The following VAV3 variants were observed in gnomAD, a reference collection of about 807,000 sequenced individuals.
The protein encoded by VAV3 is guanine nucleotide exchange factor VAV3.
A neutral mutation model predicts 131.2 loss-of-function variants in VAV3; 94 were observed. The observed-to-expected ratio is 0.72, with a 90% CI of 0.61 to 0.85. VAV3 has a LOEUF of 0.85. Ranked by LOEUF, VAV3 falls within the 40% of genes least tolerant of loss-of-function variation. The pLI, the probability that VAV3 is intolerant of heterozygous loss-of-function variation, is 0.00. For synonymous variants in VAV3, 349 were observed against 342.0 expected, an observed-to-expected ratio of 1.02 and a Z score of -0.22; for missense variants, 939 against 1,002.7, an observed-to-expected ratio of 0.94 and a Z score of 0.86.
chr1:107,665,460 C>T (rs1176172745), intron 19 of VAV3, among the ~76,000 whole-genome samples: 2 of 152,166 alleles, frequency 1.3e-5, no homozygotes, highest in East Asian at 1.9e-4. Flanking sequence ...ATCCACCCTC[C>T]TTGGTACAGC....
chr1:107,804,280 G>A (rs532657248), intron 2 of VAV3, among the ~76,000 whole-genome samples: 11 of 152,160 alleles, frequency 7.2e-5, no homozygotes, highest in Middle Eastern at 6.8e-3. Context: ...GTGTCATTTT[G>A]TTGCTTGTTT....
Position 107,775,907 on chromosome 1 carries a change from G to A in VAV3, c.446+1324C>T, listed in dbSNP as rs1665329232. 2.6e-5 allele frequency among the ~76,000 whole-genome samples: 4 copies of A among 152,178 alleles called. No homozygotes were observed. The South Asian group carries it at 8.3e-4, about 32-fold the overall frequency. ...TCTACTCTTCTACTAAAAGCTCTGAGAGGGATCTGGAAGTTGGGGCTGTGA... is the reference window on the plus strand; with the variant it reads ...TCTACTCTTCTACTAAAAGCTCTGAAAGGGATCTGGAAGTTGGGGCTGTGA... On this transcript the variant is annotated intron_variant, in intron 4 of 26. Transcript: ENST00000370056.
intron 21 of VAV3, among the ~76,000 whole-genome samples, chr1:107,616,321 G>C (rs1001299700): frequency 6.6e-6 from 1 of 151,622 alleles, no homozygotes; most frequent in Admixed American, 6.6e-5. Context: ...ATTATCATGA[G>C]TGAACTAACA....
At chr1:107,825,400 T>C (rs1374118674) in intron 2 of VAV3, among the ~76,000 whole-genome samples, 1 of 151,852 alleles carries the variant, frequency 6.6e-6, no homozygotes, top group Admixed American at 6.6e-5. Flanking sequence ...AATGAGAATC[T>C]ATATGATTAC....
intron 2 of VAV3, among the ~76,000 whole-genome samples, chr1:107,833,477 G>C (rs1478293089): frequency 6.6e-6 from 1 of 152,140 alleles, no homozygotes; most frequent in Non-Finnish European, 1.5e-5. Flanking sequence ...CCTTTTTAAA[G>C]AAAATATTAT....
chr1:107,652,158 G>A (rs764253447), intron 19 of VAV3, among the ~76,000 whole-genome samples: 10 of 152,118 alleles, frequency 6.6e-5, no homozygotes, highest in South Asian at 2.1e-4. Flanking sequence ...AAAACAGATT[G>A]CAGTAAAGAA....
intron 2 of VAV3, among the ~76,000 whole-genome samples, chr1:107,856,900 G>A (rs1261004429): frequency 6.6e-6 from 1 of 152,108 alleles, no homozygotes; most frequent in Admixed American, 6.5e-5. Flanking sequence ...AGCTGGGTGT[G>A]GTGTTGTGTG....
intron 2 of VAV3, among the ~76,000 whole-genome samples, chr1:107,820,551 C>A (rs888447512): frequency 1.1e-4 from 17 of 151,834 alleles, no homozygotes; most frequent in Non-Finnish European, 2.1e-4. Flanking sequence ...TATTTGATAA[C>A]ACAACAGAGT....
At chr1:107,841,293 G>C (rs1557876514) in intron 2 of VAV3, among the ~76,000 whole-genome samples, 1 of 152,008 alleles carries the variant, frequency 6.6e-6, no homozygotes, top group South Asian at 2.1e-4. Context: ...GGGGAAAGGG[G>C]GGGGTAGAAA....
chr1:107,622,767 G>T (rs1269586501), intron 20 of VAV3, among the ~76,000 whole-genome samples: 1 of 152,192 alleles, frequency 6.6e-6, no homozygotes, highest in Non-Finnish European at 1.5e-5. Flanking sequence ...ACCCTGCCCA[G>T]TCACTTCCCG....
chr1:107,888,027 G>A (rs1032338104), intron 1 of VAV3, among the ~76,000 whole-genome samples: 2 of 151,458 alleles, frequency 1.3e-5, no homozygotes, highest in Non-Finnish European at 2.9e-5. Context: ...ATTTTGTAAA[G>A]TATCTTTAAG....
chr1:107,870,183 CT>C (rs1362478693), intron 2 of VAV3, among the ~76,000 whole-genome samples: 1 of 152,084 alleles, frequency 6.6e-6, no homozygotes, highest in Admixed American at 6.6e-5. Context: ...AATGGTAGTT[CT>C]ACATTTAGTT....
chr1:107,705,468 T>C (rs967297372), intron 15 of VAV3, among the ~76,000 whole-genome samples: 4 of 151,882 alleles, frequency 2.6e-5, no homozygotes, highest in Non-Finnish European at 5.9e-5. Flanking sequence ...AAGAGGGTCA[T>C]CTCTAAATAG....
At chr1:107,761,376 G>C (rs895580178) in intron 9 of VAV3, among the ~76,000 whole-genome samples, 5 of 138,010 alleles carry the variant, frequency 3.6e-5, no homozygotes, top group African/African-American at 1.4e-4. Context: ...CTGGGTGACA[G>C]AGTGAGACTC....
intron 17 of VAV3, among the ~76,000 whole-genome samples, chr1:107,699,854 A>G (rs773438163): frequency 2.1e-4 from 32 of 152,024 alleles, no homozygotes; most frequent in Non-Finnish European, 4.0e-4. Flanking sequence ...GCCAAGGAGG[A>G]GGGTGAGGTC....
At chr1:107,760,399 G>C (rs1187172078) in intron 10 of VAV3, among the ~76,000 whole-genome samples, 1 of 152,148 alleles carries the variant, frequency 6.6e-6, no homozygotes, top group Non-Finnish European at 1.5e-5. Context: ...TTGGCTTACT[G>C]TTACAAGGGA....
chr1:107,746,694 C>T (rs1035792389), intron 15 of VAV3, among the ~76,000 whole-genome samples: 3 of 152,032 alleles, frequency 2.0e-5, no homozygotes, highest in Admixed American at 6.6e-5. Flanking sequence ...CATGACTATA[C>T]GTTGGTCAGT....
At chr1:107,722,078 A>G (rs1349070044) in intron 15 of VAV3, among the ~76,000 whole-genome samples, 3 of 152,308 alleles carry the variant, frequency 2.0e-5, no homozygotes, top group South Asian at 2.1e-4. Flanking sequence ...ATCCAAAAGA[A>G]CTGACAGTAA....
intron 15 of VAV3, among the ~76,000 whole-genome samples, chr1:107,718,738 T>C (rs934731489): frequency 3.9e-5 from 6 of 152,158 alleles, no homozygotes; most frequent in East Asian, 1.9e-4. Flanking sequence ...AAAAAGAGCC[T>C]GCATTACCAA....
Sources: allele counts gnomAD v4.1 joint callset (sites outside exome capture counted in the v4.1 genomes callset), GRCh38; gene constraint gnomAD v4.1.1; transcripts MANE v1.5; gene names NCBI Gene and HGNC (gene_info 2026-07-23, HGNC 2026-07-21).